The following WASHC3 variants were observed in gnomAD, a reference collection of about 807,000 sequenced individuals.
WASHC3 encodes WASH complex subunit CCDC53.
Under a neutral mutation model 26.1 loss-of-function variants are expected in WASHC3, and 24 were observed. The ratio of observed to expected loss-of-function variants is 0.92; its 90% CI spans 0.66 to 1.29. The LOEUF is 1.29. WASHC3 is among the 50% of genes most tolerant of loss of function. WASHC3 has a pLI of 0.00. For missense variants in WASHC3, 214 were observed against 229.6 expected, an observed-to-expected ratio of 0.93 and a Z score of 0.44; for synonymous variants, 77 against 75.7, an observed-to-expected ratio of 1.02 and a Z score of -0.09.
chr12:102,032,352 T>A (rs1314462484), intron 5 of WASHC3, among the ~76,000 whole-genome samples: 1 of 152,202 alleles, frequency 6.6e-6, no homozygotes, highest in African/African-American at 2.4e-5. Flanking sequence ...AAGTCGGACT[T>A]GCCCAATGCA....
At chr12:102,025,636 A>G (rs1156297272) in intron 6 of WASHC3, among the ~76,000 whole-genome samples, 1 of 146,782 alleles carries the variant, frequency 6.8e-6, no homozygotes, top group African/African-American at 2.5e-5. Flanking sequence ...GCACAAACCA[A>G]CAAATAAACA....
At chr12:102,025,366 A>C (rs1377179201) in intron 6 of WASHC3, among the ~76,000 whole-genome samples, 1 of 152,210 alleles carries the variant, frequency 6.6e-6, no homozygotes, top group Admixed American at 6.5e-5. Flanking sequence ...TCTGAGCCAC[A>C]ATTTTTTTTT....
At chr12:102,045,723 T>C (rs1251544990) in intron 3 of WASHC3, among the ~76,000 whole-genome samples, 1 of 152,230 alleles carries the variant, frequency 6.6e-6, no homozygotes, top group East Asian at 1.9e-4. Flanking sequence ...AGTATTGTAT[T>C]ATCAAATAAT....
chr12:102,016,572 G>A (rs1876714525), intron 6 of WASHC3, among the ~76,000 whole-genome samples: 1 of 152,174 alleles, frequency 6.6e-6, no homozygotes, highest in Non-Finnish European at 1.5e-5. Flanking sequence ...AACAGCCTCA[G>A]GGAGGTCCTT....
intron 3 of WASHC3, 51 bp downstream of exon 3, chr12:102,046,003 C>G: frequency 1.0e-6 from 1 of 989,100 alleles, no homozygotes; most frequent in Non-Finnish European, 1.5e-6. Flanking sequence ...ATTAAGAAAG[C>G]TGGTATATGC....
intron 6 of WASHC3, among the ~76,000 whole-genome samples, chr12:102,020,250 G>A (rs1876895067): frequency 6.6e-6 from 1 of 152,194 alleles, no homozygotes; most frequent in African/African-American, 2.4e-5. Context: ...AGCACTAGGA[G>A]AGACACGGTT....
intron 6 of WASHC3, among the ~76,000 whole-genome samples, chr12:102,025,201 TTGGGG>T (rs977528017): frequency 9.2e-5 from 14 of 152,112 alleles, no homozygotes; most frequent in Admixed American, 2.0e-4. Context: ...GCTAAATACA[TTGGGG>T]TGAACTACAG....
chr12:102,014,430 C>CTAAT (rs2121310548), intron 6 of WASHC3, among the ~76,000 whole-genome samples: 1 of 152,178 alleles, frequency 6.6e-6, no homozygotes, highest in Non-Finnish European at 1.5e-5. Context: ...AGGCTTGACT[C>CTAAT]TTATTAAACA....
In WASHC3 at chr12:102,013,075, T is replaced by C; in HGVS notation, c.*33A>G. The C allele has an allele frequency of 2.2e-6, 2 of 917,564 alleles. No homozygotes were observed. Among genetic ancestry groups the C allele is most frequent in the South Asian group, 2.9e-5 (2 of 69,010 alleles). The allele number at this position is 917,564 out of a possible 1,614,324, so 56.8% of individuals were successfully genotyped here. A position where few individuals can be genotyped will look rare whatever the true frequency, so the allele number is the denominator to read the frequency against. On this transcript the variant is annotated 3_prime_UTR_variant, in exon 7 of 7. Coordinates refer to ENST00000240079, the MANE Select transcript of WASHC3 (RefSeq NM_016053.4). ...CTTACAGAATGTAAATGTACCCCTATGCATGCATATGTAATTCTTATCAAA... is the reference window on the plus strand; with the variant it reads ...CTTACAGAATGTAAATGTACCCCTACGCATGCATATGTAATTCTTATCAAA...
chr12:102,014,826 G>A (rs992678061), intron 6 of WASHC3, among the ~76,000 whole-genome samples: 5 of 152,070 alleles, frequency 3.3e-5, no homozygotes, highest in African/African-American at 1.2e-4. Context: ...ATGAATACTA[G>A]GCACATTTTA....
chr12:102,050,648 G>C (rs1319632691), intron 2 of WASHC3: 1 of 427,454 alleles, frequency 2.3e-6, no homozygotes, highest in Admixed American at 2.8e-5. Flanking sequence ...GTCTCGGGGG[G>C]AAAAGAAAAG....
At chr12:102,029,723 TTTAAG>T (rs1877351586) in intron 5 of WASHC3, among the ~76,000 whole-genome samples, 1 of 140,570 alleles carries the variant, frequency 7.1e-6, no homozygotes, top group South Asian at 2.3e-4. Context: ...TTCCTCTTAA[TTTAAG>T]AGTGTGAATT....
At chr12:102,036,527 C>A (rs925975772) in intron 5 of WASHC3, among the ~76,000 whole-genome samples, 1 of 152,062 alleles carries the variant, frequency 6.6e-6, no homozygotes, top group Admixed American at 6.6e-5. Context: ...TGATGTAGCT[C>A]CCCACTTTCT....
chr12:102,051,017 T>C (rs147055743), intron 2 of WASHC3, among the ~76,000 whole-genome samples: 3 of 152,384 alleles, frequency 2.0e-5, no homozygotes, highest in African/African-American at 4.8e-5. Flanking sequence ...AGTAGCCTAA[T>C]ATGCAGAAAG....
At chr12:102,018,915 A>G (rs1876831506) in intron 6 of WASHC3, among the ~76,000 whole-genome samples, 1 of 140,932 alleles carries the variant, frequency 7.1e-6, no homozygotes, top group Admixed American at 6.9e-5. Flanking sequence ...TCCCTGCCTT[A>G]GCCTCCTGAG....
intron 2 of WASHC3, among the ~76,000 whole-genome samples, chr12:102,054,955 A>T (rs1372177499): frequency 6.6e-6 from 1 of 152,204 alleles, no homozygotes; most frequent in African/African-American, 2.4e-5. Flanking sequence ...CTATAACAAA[A>T]AAGATGAAAG....
chr12:102,056,990 C>T (rs534339996), intron 2 of WASHC3, among the ~76,000 whole-genome samples: 1 of 152,074 alleles, frequency 6.6e-6, no homozygotes, highest in East Asian at 1.9e-4. Context: ...TCAATATCCC[C>T]AGTGAACATA....
At position 102,061,239 on chromosome 12, in the gene WASHC3, C is replaced by T. The variant is rs765721963; in HGVS notation, c.150+9G>A. On this transcript the variant is annotated intron_variant, in intron 2 of 6. Coordinates refer to ENST00000240079, the MANE Select transcript of WASHC3 (RefSeq NM_016053.4). ...AGGCGACTCTATAAACCAGTATCAC[C>T]GGACCTACCTCCTCACAAACTGTAG... is the stretch of plus-strand genomic sequence containing the variant. 7 of 1,597,196 alleles carry T rather than the reference C, an allele frequency of 4.4e-6. No individual in the cohort carries two copies. Among genetic ancestry groups the T allele is most frequent in the Non-Finnish European group, 4.3e-6 (5 of 1,164,994 alleles).
chr12:102,029,815 T>C (rs1297799169), intron 5 of WASHC3, among the ~76,000 whole-genome samples: 2 of 152,204 alleles, frequency 1.3e-5, no homozygotes, highest in African/African-American at 2.4e-5. Context: ...AATAGATCTA[T>C]TGAATACGTT....
Sources: gnomAD v4.1 joint callset for allele counts (sites outside exome capture counted in the v4.1 genomes callset) on GRCh38, gnomAD v4.1.1 for gene constraint, MANE v1.5 for transcripts, NCBI Gene and HGNC (gene_info 2026-07-23, HGNC 2026-07-21) for gene names.